The following TLE2 variants were observed in gnomAD, a reference collection of about 807,000 sequenced individuals.
The protein encoded by TLE2 is TLE family member 2, transcriptional corepressor, also known as transducin-like enhancer protein 2.
Under a neutral mutation model 97.2 loss-of-function variants are expected in TLE2, and 74 were observed. The ratio of observed to expected loss-of-function variants is 0.76; its 90% CI spans 0.63 to 0.92. The LOEUF is 0.92. Ranked by LOEUF, TLE2 falls within the 40% of genes least tolerant of loss-of-function variation. The pLI is 0.00. For missense variants in TLE2, 1,038 were observed against 1,008.7 expected (o/e 1.03, Z -0.39); for synonymous variants, 499 against 432.1 (o/e 1.15, Z -1.92).
At chr19:3,038,762 A>G (rs1381861484) in intron 1 of TLE2, among the ~76,000 whole-genome samples, 1 of 151,478 alleles carries the variant, frequency 6.6e-6, no homozygotes, top group Non-Finnish European at 1.5e-5. Flanking sequence ...ACAAAAATTA[A>G]GGCCGGGCGC....
In TLE2 at chr19:3,019,255, C is replaced by A; in HGVS notation, c.550+28G>T. 1 of 1,560,484 alleles carries A rather than the reference C, an allele frequency of 6.4e-7. No homozygotes were observed. The highest frequency in any genetic ancestry group is 8.6e-7 in the Non-Finnish European group (1 of 1,161,274). On this transcript the variant is annotated intron_variant, in intron 7 of 19. Coordinates refer to ENST00000262953, the MANE Select transcript of TLE2 (RefSeq NM_003260.5). The surrounding 1 kb of genome is among the most constrained non-coding windows in gnomAD (Gnocchi z 5.1). ...GTCCTCCCCAGCCCCGTCTCCCCAG[C>A]CAATGCCACCCCGTGCTGCCCACTC...
chr19:3,021,794 G>A (rs1375414921), intron 5 of TLE2, among the ~76,000 whole-genome samples: 1 of 152,012 alleles, frequency 6.6e-6, no homozygotes, highest in African/African-American at 2.4e-5. Flanking sequence ...TGTTGACCAG[G>A]CTGGTCTTGA....
intron 9 of TLE2, among the ~76,000 whole-genome samples, chr19:3,014,888 C>A (rs2089669777): frequency 6.6e-6 from 1 of 152,040 alleles, no homozygotes; most frequent in African/African-American, 2.4e-5. Context: ...CCGGCCCTCT[C>A]AGGCCTCAGT....
At chr19:3,000,065 ATTTTAT>A (rs1047953478) in intron 19 of TLE2, among the ~76,000 whole-genome samples, 1 of 150,374 alleles carries the variant, frequency 6.7e-6, no homozygotes, top group Non-Finnish European at 1.5e-5. Context: ...AAGATGGCAA[ATTTTAT>A]TTTTATTTAT....
intron 19 of TLE2, among the ~76,000 whole-genome samples, chr19:2,999,271 G>T (rs1171435423): frequency 1.3e-5 from 2 of 151,840 alleles, no homozygotes; most frequent in Non-Finnish European, 1.5e-5. Flanking sequence ...GACAGAGAAG[G>T]ACTCCGTGTC....
intron 2 of TLE2, 41 bp downstream of exon 2, chr19:3,028,665 C>T: frequency 6.2e-7 from 1 of 1,607,386 alleles, no homozygotes; most frequent in African/African-American, 1.3e-5. Context: ...CGCCCCGGCG[C>T]CCAGGTGAAC....
At chr19:3,021,645 T>C (rs924074412) in intron 5 of TLE2, among the ~76,000 whole-genome samples, 6 of 152,042 alleles carry the variant, frequency 3.9e-5, no homozygotes, top group African/African-American at 1.4e-4. Context: ...TGCAATGGCA[T>C]GCTCTTGGCT....
rs189732786 is a variant in TLE2, at chr19:3,026,518, G to A, written c.231+1311C>T. Among the ~76,000 whole-genome samples the A allele has an allele frequency of 5.3e-5, 8 of 150,060 alleles. No homozygotes were observed. The East Asian group carries it at 7.8e-4, about 15-fold the overall frequency. On this transcript the variant is annotated intron_variant, in intron 4 of 19. Transcript: ENST00000262953. ...CTCAGAACCTTGAGATCAGAAGTTC[G>A]GGAATAGCCTCAGAACCTTTTAACA...
At position 3,029,113 on chromosome 19, in the gene TLE2, G is replaced by A. The variant is rs961511916; in HGVS notation, c.-209C>T. ...CGTGGGAGCCCCTCCCCGGGTTGGG[G>A]TGCGCGGGGCGAGCGGGGCGGGCAG... is the stretch of plus-strand genomic sequence containing the variant. On this transcript the variant is annotated 5_prime_UTR_variant, in exon 1 of 20. Transcript: ENST00000262953. The A allele has an allele frequency of 8.5e-7, 1 of 1,177,130 alleles. No individual in the cohort carries two copies. Among genetic ancestry groups the A allele is most frequent in the Non-Finnish European group, 1.1e-6 (1 of 952,030 alleles). The allele number at this position is 1,177,130 out of a possible 1,614,324, so 72.9% of individuals were successfully genotyped here.
rs754164250 is a variant in TLE2, at chr19:3,006,086, G to C, written c.1501-118C>G. 3.1e-6 allele frequency: 4 copies of C among 1,278,400 alleles called. No homozygotes were observed. In the African/African-American group the frequency reaches 5.8e-5, roughly 19 times the overall value. 79.2% of individuals were successfully genotyped at this position (1,278,400 alleles called of 1,614,324 possible). ...TAGCCTCATCCTGATTAGCCTGCAA[G>C]CCCTACCCTGATTGGCTGGTGAGCC... On this transcript the variant is annotated intron_variant, in intron 15 of 19. Coordinates refer to ENST00000262953, the MANE Select transcript of TLE2 (RefSeq NM_003260.5).
chr19:3,014,350 C>T (rs939110213), intron 10 of TLE2, among the ~76,000 whole-genome samples: 1 of 152,116 alleles, frequency 6.6e-6, no homozygotes, highest in African/African-American at 2.4e-5. Context: ...TCACTGCCCA[C>T]AAATCACTCA....
intron 1 of TLE2, among the ~76,000 whole-genome samples, chr19:3,039,325 A>G (rs2090083772): frequency 6.7e-6 from 1 of 150,298 alleles, no homozygotes; most frequent in Non-Finnish European, 1.5e-5. Context: ...CAAACTCCCT[A>G]CCTCTGTCTA....
chr19:3,046,217 G>A (rs145599349), upstream of TLE2, among the ~76,000 whole-genome samples: 550 of 152,284 alleles, frequency 3.6e-3, 3 homozygotes, highest in African/African-American at 0.012. Flanking sequence ...GGAAGAGAGC[G>A]GGATCATTTC....
Position 3,028,682 on chromosome 19 carries a change from G to A in TLE2, c.122+24C>T, listed in dbSNP as rs376484125. ...CCCCGGCGCCCAGGTGAACTCCCGC[G>A]GCCCCTGGGGCGGCCCCCCTCACCT... is the stretch of plus-strand genomic sequence containing the variant. On this transcript the variant is annotated intron_variant, in intron 2 of 19. Transcript: ENST00000262953. 5.0e-6 allele frequency: 8 copies of A among 1,611,046 alleles called. No homozygotes were observed. The Admixed American group carries it at 1.0e-4, about 20-fold the overall frequency.
At chr19:3,002,663 G>C (rs1211870545) in intron 17 of TLE2, among the ~76,000 whole-genome samples, 160 bp from the exon 18 acceptor site, 1 of 151,548 alleles carries the variant, frequency 6.6e-6, no homozygotes, top group African/African-American at 2.4e-5. Flanking sequence ...CTCAGCACCA[G>C]AAGCTGAGAC....
At chr19:3,040,100 C>G (rs1479022191) in intron 1 of TLE2, among the ~76,000 whole-genome samples, 1 of 152,146 alleles carries the variant, frequency 6.6e-6, no homozygotes, top group Admixed American at 6.6e-5. Context: ...GCCCCTAGGG[C>G]CTTCTGGTCA....
intron 4 of TLE2, among the ~76,000 whole-genome samples, chr19:3,026,221 T>A (rs1599242677): frequency 6.6e-6 from 1 of 151,884 alleles, no homozygotes; most frequent in Non-Finnish European, 1.5e-5. Context: ...CCGAGGCAGG[T>A]GGATCACCTG....
At chr19:3,014,125 G>A (rs1200981166) in intron 10 of TLE2, among the ~76,000 whole-genome samples, 1 of 151,764 alleles carries the variant, frequency 6.6e-6, no homozygotes, top group Non-Finnish European at 1.5e-5. Flanking sequence ...TCACCATGTT[G>A]GTCAGGCTGG....
chr19:3,006,299 C>A (rs1055268912), intron 15 of TLE2, 121 bp downstream of exon 15: 3 of 1,444,738 alleles, frequency 2.1e-6, no homozygotes, highest in African/African-American at 2.8e-5. Context: ...CGCCCCTCAC[C>A]TATAAGCCCC....
Sources: allele counts gnomAD v4.1 joint callset (sites outside exome capture counted in the v4.1 genomes callset), GRCh38; gene constraint gnomAD v4.1.1; non-coding constraint Gnocchi (gnomAD v3.1); transcripts MANE v1.5; gene names NCBI Gene and HGNC (gene_info 2026-07-23, HGNC 2026-07-21).